The following AIFM1 variants were observed in gnomAD, a reference collection of about 807,000 sequenced individuals.
The protein encoded by AIFM1 is apoptosis-inducing factor 1, mitochondrial.
AIFM1 carries 3 observed loss-of-function variants against 51.7 expected under a neutral mutation model. The ratio of observed to expected loss-of-function variants is 0.06; its 90% CI spans 0.03 to 0.15. The LOEUF (loss-of-function observed/expected upper bound fraction) is 0.15. AIFM1 is among the 10% of genes least tolerant of loss of function. The pLI, the probability that AIFM1 is intolerant of heterozygous loss-of-function variation, is 1.00. For missense variants in AIFM1, 330 were observed against 476.8 expected, an observed-to-expected ratio of 0.69 and a Z score of 2.87; for synonymous variants, 178 against 179.4, an observed-to-expected ratio of 0.99 and a Z score of 0.06.
intron 5 of AIFM1, 37 bp downstream of exon 5, chrX:130,147,456 T>A: frequency 8.3e-7 from 1 of 1,210,197 alleles, no homozygotes; most frequent in Non-Finnish European, 1.1e-6. Context: ...TGTGCTTAGC[T>A]GAAGTTGATA....
At chrX:130,162,096 G>A (rs1158240443) in intron 1 of AIFM1, among the ~76,000 whole-genome samples, 2 of 112,054 alleles carry the variant, frequency 1.8e-5, no homozygotes, top group Non-Finnish European at 3.8e-5. Flanking sequence ...GTTCAGTCAC[G>A]AGAATTTACC....
chrX:130,136,326 G>A lies in AIFM1; in HGVS notation c.1165-141C>T, dbSNP rs182676360. 1,398 of 758,039 alleles carry A rather than the reference G, an allele frequency of 1.8e-3. 14 individuals are homozygous for A. The Admixed American group carries it at 0.03, about 16-fold the overall frequency. 62.5% of individuals were successfully genotyped at this position (758,039 alleles called of 1,213,427 possible). A position where few individuals can be genotyped will look rare whatever the true frequency, so the allele number is the denominator to read the frequency against. The stretch of plus-strand genomic sequence containing the variant: ...CTTACCTCTGATAAATGGATTTTAA[G>A]TTCTATTTCATAAGCCTCCACCACC... On this transcript the variant is annotated intron_variant, in intron 11 of 15. Transcript: ENST00000287295.
chrX:130,133,182 C>T, intron 13 of AIFM1, 131 bp downstream of exon 13: 1 of 841,741 alleles, frequency 1.2e-6, no homozygotes, highest in Non-Finnish European at 1.8e-6. Flanking sequence ...AATGTGTGGA[C>T]ATAAGATGGA....
chrX:130,155,314 A>G (rs770052607), intron 2 of AIFM1: 2 of 1,195,917 alleles, frequency 1.7e-6, no homozygotes, highest in South Asian at 3.5e-5. Context: ...GCCAAGAGAG[A>G]AACAAAAGGA....
chrX:130,155,906 T>C (rs1207428021), intron 2 of AIFM1, among the ~76,000 whole-genome samples: 1 of 112,364 alleles, frequency 8.9e-6, no homozygotes, highest in East Asian at 2.8e-4. Flanking sequence ...TTAAACACCA[T>C]ATTTCTCACC....
chrX:130,129,846 G>T, intron 15 of AIFM1, 124 bp downstream of exon 15: 1 of 919,761 alleles, frequency 1.1e-6, no homozygotes, highest in Non-Finnish European at 1.6e-6. Context: ...CTATACCTTT[G>T]TTCTGCTCAG....
At chrX:130,131,953 A>G (rs1356608409) in intron 13 of AIFM1, among the ~76,000 whole-genome samples, 154 bp from the exon 14 acceptor site, 1 of 110,054 alleles carries the variant, frequency 9.1e-6, no homozygotes, top group Non-Finnish European at 1.9e-5. Flanking sequence ...GTTCATTGCA[A>G]CCTCTCCCTC....
Position 130,150,397 on chromosome X carries a change from G to A in AIFM1, c.250-829C>T, listed in dbSNP as rs1371373590. On this transcript the variant is annotated intron_variant, in intron 2 of 15. Transcript: ENST00000287295. The stretch of plus-strand genomic sequence containing the variant: ...GTTGCCCAGGCTGGAGTGCAGTGGC[G>A]GGATCTCGGCTCACTGCAAGCTCTG... 4.7e-4 allele frequency among the ~76,000 whole-genome samples: 43 copies of A among 91,921 alleles called. 1 individual carries two copies. The highest frequency in any genetic ancestry group is 1.5e-3 in the African/African-American group (37 of 24,509). 79.8% of individuals were successfully genotyped at this position (91,921 alleles called of 115,157 possible). A position where few individuals can be genotyped will look rare whatever the true frequency, so the allele number is the denominator to read the frequency against.
At chrX:130,149,447 C>G in intron 3 of AIFM1, 22 bp downstream of exon 3, 1 of 1,166,824 alleles carries the variant, frequency 8.6e-7, no homozygotes. Context: ...CAAATCATAG[C>G]AAGACTTAAG....
intron 12 of AIFM1, 118 bp from the exon 13 acceptor site, chrX:130,133,573 C>T: frequency 1.1e-6 from 1 of 933,239 alleles, no homozygotes; most frequent in Non-Finnish European, 1.5e-6. Context: ...TTCATGTTTT[C>T]CATCTACAGG....
chrX:130,140,981 C>T (rs210000), intron 6 of AIFM1, among the ~76,000 whole-genome samples: 58,171 of 110,742 alleles, frequency 0.53, 12,354 homozygotes, highest in African/African-American at 0.81. Context: ...CCAGGTGTGG[C>T]GGCATATGCC....
intron 12 of AIFM1, among the ~76,000 whole-genome samples, 156 bp from the exon 13 acceptor site, chrX:130,133,611 C>A (rs749108226): frequency 2.0e-5 from 2 of 100,080 alleles, no homozygotes; most frequent in Non-Finnish European, 2.0e-5. Context: ...CTAACAAAAA[C>A]AGCTGATAAC....
intron 6 of AIFM1, among the ~76,000 whole-genome samples, chrX:130,144,075 T>C (rs145187375): frequency 0.011 from 1,242 of 112,060 alleles, 8 homozygotes; most frequent in African/African-American, 0.039. Flanking sequence ...CATAAGATTA[T>C]TGGGAGGATA....
chrX:130,136,928 T>C, intron 10 of AIFM1, 150 bp downstream of exon 10: 1 of 1,117,486 alleles, frequency 8.9e-7, no homozygotes, highest in Non-Finnish European at 1.2e-6. Context: ...TCAGAACACC[T>C]AGATGAACTT....
chrX:130,155,005 ACT>A (rs1197418424), intron 2 of AIFM1: 8 of 691,297 alleles, frequency 1.2e-5, no homozygotes, highest in East Asian at 6.8e-5. Flanking sequence ...AGATTTGAGG[ACT>A]CTCTAGTGAC....
At chrX:130,138,239 G>A (rs1420365719) in intron 9 of AIFM1, among the ~76,000 whole-genome samples, 3 of 111,237 alleles carry the variant, frequency 2.7e-5, no homozygotes, top group Non-Finnish European at 3.8e-5. Context: ...GCCAAGGTGG[G>A]CGGATCACCA....
At chrX:130,138,212 T>C (rs1363905816) in intron 9 of AIFM1, among the ~76,000 whole-genome samples, 1 of 111,824 alleles carries the variant, frequency 8.9e-6, no homozygotes. Context: ...ACGCCTGTAA[T>C]CCCAGCACTT....
chrX:130,135,505 G>A (rs1393374016), intron 12 of AIFM1, among the ~76,000 whole-genome samples: 1 of 105,504 alleles, frequency 9.5e-6, no homozygotes, highest in Admixed American at 1.0e-4. Context: ...TACGTCCTTA[G>A]TTGCAGAGTC....
chrX:130,156,437 T>C (rs760506606), intron 2 of AIFM1, 24 bp downstream of exon 2: 2 of 1,211,074 alleles, frequency 1.7e-6, no homozygotes, highest in East Asian at 3.0e-5. Context: ...GCAGCTTCTT[T>C]ATACACGCTG....
Sources: gnomAD v4.1 joint callset for allele counts (sites outside exome capture counted in the v4.1 genomes callset) on GRCh38, gnomAD v4.1.1 for gene constraint, MANE v1.5 for transcripts, NCBI Gene and HGNC (gene_info 2026-07-23, HGNC 2026-07-21) for gene names.